AGAP1: variants seen among roughly 807,000 people sequenced by gnomAD.
The protein encoded by AGAP1 is arf-GAP with GTPase, ANK repeat and PH domain-containing protein 1.
A neutral mutation model predicts 105.3 loss-of-function variants in AGAP1; 29 were observed. That is an observed-to-expected ratio of 0.28 (90% CI 0.21 to 0.38). AGAP1 has a LOEUF of 0.38. Among genes scored for constraint, AGAP1 ranks in the 10% least tolerant of loss-of-function variants. The pLI, the probability that AGAP1 is intolerant of heterozygous loss-of-function variation, is 1.00. For missense variants in AGAP1, 998 were observed against 1,165.1 expected, an observed-to-expected ratio of 0.86 and a Z score of 2.09; for synonymous variants, 509 against 485.9, an observed-to-expected ratio of 1.05 and a Z score of -0.63.
intron 10 of AGAP1, among the ~76,000 whole-genome samples, chr2:235,885,476 A>G (rs6431402): frequency 0.023 from 3,546 of 152,320 alleles, 124 homozygotes; most frequent in African/African-American, 0.075. Flanking sequence ...CATTCCTAGC[A>G]ATTGGCTTCC....
intron 9 of AGAP1, among the ~76,000 whole-genome samples, chr2:235,878,148 A>C (rs1000983176): frequency 2.0e-5 from 3 of 152,174 alleles, no homozygotes; most frequent in African/African-American, 7.2e-5. Flanking sequence ...CGGCTGCTGG[A>C]TCCTAAGATC....
At chr2:235,588,900 G>C (rs915383396) in intron 1 of AGAP1, among the ~76,000 whole-genome samples, 1 of 152,186 alleles carries the variant, frequency 6.6e-6, no homozygotes, top group Admixed American at 6.5e-5. Flanking sequence ...CGAGTGGCCT[G>C]CTTTCCTGGC....
In AGAP1 at chr2:236,087,318, G is replaced by A. The variant is rs575725544; in HGVS notation, c.2115-32874G>A. On this transcript the variant is annotated intron_variant, in intron 16 of 17. Coordinates refer to ENST00000304032, the MANE Select transcript of AGAP1 (RefSeq NM_001037131.3). The surrounding 1 kb of genome is among the most constrained non-coding windows in gnomAD (Gnocchi z 5.7). ...GAGGAAGCCAGAGCCCGGGGTGGGG[G>A]CGGGAGCGGGGGCTAGCTGTGGGTG... Among the ~76,000 whole-genome samples, 6 of 152,206 alleles carry A rather than the reference G, an allele frequency of 3.9e-5. No individual in the cohort carries two copies. The South Asian group carries it at 1.2e-3, about 32-fold the overall frequency.
chr2:235,615,129 C>T lies in AGAP1; in HGVS notation c.164-94050C>T, dbSNP rs1946267601. Reference sequence around the variant, plus strand: ...CTCCTCCGCGCAGGGAATGAGCAGCCTCTGCTCCTTCATTTGATTGCTATG... The same window carrying T: ...CTCCTCCGCGCAGGGAATGAGCAGCTTCTGCTCCTTCATTTGATTGCTATG... On this transcript the variant is annotated intron_variant, in intron 1 of 17. Transcript: ENST00000304032. The surrounding 1 kb of genome is among the most constrained non-coding windows in gnomAD (Gnocchi z 5.0). Among the ~76,000 whole-genome samples the T allele has an allele frequency of 6.6e-6, 1 of 152,242 alleles. No individual in the cohort carries two copies. The highest frequency in any genetic ancestry group is 6.5e-5 in the Admixed American group (1 of 15,286).
At chr2:235,836,806 G>C (rs528642997) in intron 9 of AGAP1, among the ~76,000 whole-genome samples, 14 of 152,326 alleles carry the variant, frequency 9.2e-5, no homozygotes, top group Admixed American at 8.5e-4. Flanking sequence ...CCTCGAGATA[G>C]AGAACTATGA....
At chr2:235,713,413 A>G (rs571511569) in intron 2 of AGAP1, among the ~76,000 whole-genome samples, 4 of 152,352 alleles carry the variant, frequency 2.6e-5, no homozygotes, top group Admixed American at 1.3e-4. Context: ...GAGCCTTAGT[A>G]ATAAGCATCT....
intron 15 of AGAP1, among the ~76,000 whole-genome samples, chr2:236,043,091 G>A (rs1172233756): frequency 6.6e-6 from 1 of 152,234 alleles, no homozygotes; most frequent in Non-Finnish European, 1.5e-5. Context: ...CTCAGAAGAT[G>A]TAGCACATTG....
At chr2:236,029,217 T>C (rs1358472614) in intron 13 of AGAP1, among the ~76,000 whole-genome samples, 1 of 151,890 alleles carries the variant, frequency 6.6e-6, no homozygotes, top group Non-Finnish European at 1.5e-5. Context: ...TATCAGTTCA[T>C]TTGCTCACCA....
chr2:235,878,904 C>T (rs1046478825), intron 9 of AGAP1, among the ~76,000 whole-genome samples: 4 of 152,204 alleles, frequency 2.6e-5, no homozygotes, highest in Non-Finnish European at 5.9e-5. Context: ...CCAGAGGGAT[C>T]CTGAGCAGCC....
chr2:235,797,730 G>A (rs1957307318), intron 6 of AGAP1, 29 bp from the exon 7 acceptor site: 1 of 1,613,706 alleles, frequency 6.2e-7, no homozygotes, highest in African/African-American at 1.3e-5. Context: ...TGATTGACAT[G>A]GATTTCTTTT....
At position 235,877,742 on chromosome 2, in the gene AGAP1, T is replaced by A. The variant is rs2049814643; in HGVS notation, c.1051-5603T>A. On this transcript the variant is annotated intron_variant, in intron 9 of 17. Transcript: ENST00000304032. The surrounding 1 kb of genome is among the most constrained non-coding windows in gnomAD (Gnocchi z 4.3). ...TTATGGTTCCAGAGAAAATGACAGG[T>A]TTCCCTTGCATCTCAAATTTGCTCA... Among the ~76,000 whole-genome samples the A allele has an allele frequency of 1.3e-5, 2 of 152,104 alleles. No homozygotes were observed. Among genetic ancestry groups the A allele is most frequent in the Non-Finnish European group, 2.9e-5 (2 of 68,008 alleles).
rs1340105295 is a variant in AGAP1 at position 235,569,732 on chromosome 2, G to A, written c.163+74883G>A. Among the ~76,000 whole-genome samples the A allele has an allele frequency of 6.6e-6, 1 of 152,196 alleles. No homozygotes were observed. Among genetic ancestry groups the A allele is most frequent in the Non-Finnish European group, 1.5e-5 (1 of 68,042 alleles). ...CTGGGTTTTGCCCCTCACAGGAGAT[G>A]CAGGTCTTTCTATGGAACCTGTAGG... On this transcript the variant is annotated intron_variant, in intron 1 of 17. Coordinates refer to ENST00000304032, the MANE Select transcript of AGAP1 (RefSeq NM_001037131.3). This position sits in a 1 kb window ranked among gnomAD's most constrained non-coding sequence, Gnocchi z 5.9.
intron 1 of AGAP1, among the ~76,000 whole-genome samples, chr2:235,687,189 G>A (rs1299892506): frequency 6.6e-6 from 1 of 152,190 alleles, no homozygotes; most frequent in Non-Finnish European, 1.5e-5. Flanking sequence ...CTCAACAGAA[G>A]AATCTGGGCA....
chr2:235,523,626 CA>C (rs1302603854), intron 1 of AGAP1, among the ~76,000 whole-genome samples: 1 of 152,102 alleles, frequency 6.6e-6, no homozygotes, highest in Admixed American at 6.5e-5. Flanking sequence ...TTATCCCACC[CA>C]GGGATGAAAT....
chr2:235,520,362 T>C (rs770452929), intron 1 of AGAP1, among the ~76,000 whole-genome samples: 6 of 152,230 alleles, frequency 3.9e-5, no homozygotes, highest in Non-Finnish European at 7.3e-5. Flanking sequence ...ACTCCTCCAA[T>C]GAGTAGGTTC....
chr2:235,978,482 A>G (rs192087170), intron 13 of AGAP1, among the ~76,000 whole-genome samples: 6 of 152,178 alleles, frequency 3.9e-5, no homozygotes, highest in African/African-American at 1.2e-4. Context: ...GCGCTACCTC[A>G]TTGCATCCTT....
chr2:236,102,405 G>A lies in AGAP1; in HGVS notation c.2115-17787G>A, dbSNP rs573175876. On this transcript the variant is annotated intron_variant, in intron 16 of 17. Transcript: ENST00000304032. ...TGCACTCCAGCCTGGGCGACAGAGCGAGACTCCATCTCAAAAAAAAAAAAA... is the reference window on the plus strand; with the variant it reads ...TGCACTCCAGCCTGGGCGACAGAGCAAGACTCCATCTCAAAAAAAAAAAAA... Among the ~76,000 whole-genome samples, 14 of 133,664 alleles carry A rather than the reference G, an allele frequency of 1.0e-4. No individual in the cohort carries two copies. In the East Asian group the frequency reaches 1.7e-3, roughly 16 times the overall value. The allele number at this position is 133,664 out of a possible 152,430, so 87.7% of individuals were successfully genotyped here.
At chr2:235,715,272 A>T (rs1951043709) in intron 2 of AGAP1, among the ~76,000 whole-genome samples, 1 of 152,156 alleles carries the variant, frequency 6.6e-6, no homozygotes, top group African/African-American at 2.4e-5. Flanking sequence ...TGTTGGAGCC[A>T]GGGACTATGA....
intron 9 of AGAP1, among the ~76,000 whole-genome samples, chr2:235,821,766 G>C (rs751587567): frequency 5.9e-5 from 9 of 152,072 alleles, no homozygotes; most frequent in Non-Finnish European, 1.0e-4. Context: ...TTAATCTCAG[G>C]ATCCAATCCA....
Sources: allele counts gnomAD v4.1 joint callset (sites outside exome capture counted in the v4.1 genomes callset), GRCh38; gene constraint gnomAD v4.1.1; non-coding constraint Gnocchi (gnomAD v3.1); transcripts MANE v1.5; gene names NCBI Gene and HGNC (gene_info 2026-07-23, HGNC 2026-07-21).